The following UBE2O variants were observed in gnomAD, a reference collection of about 807,000 sequenced individuals.
UBE2O encodes ubiquitin conjugating enzyme E2 O, also known as (E3-independent) E2 ubiquitin-conjugating enzyme.
UBE2O carries 15 observed loss-of-function variants against 125.8 expected under a neutral mutation model. The observed-to-expected ratio is 0.12, with a 90% CI of 0.08 to 0.18. The LOEUF is 0.18. UBE2O is among the 10% of genes least tolerant of loss of function. The probability of loss-of-function intolerance (pLI) is 1.00; values close to 1 mark genes in which losing one functional copy is unlikely to be tolerated. For missense variants in UBE2O, 1,280 were observed against 1,723.6 expected, an observed-to-expected ratio of 0.74 and a Z score of 4.56; for synonymous variants, 708 against 703.2, an observed-to-expected ratio of 1.01 and a Z score of -0.11.
Position 76,395,867 on chromosome 17 carries a change from G to T in UBE2O, c.2810-6C>A. The T allele has an allele frequency of 1.2e-6, 2 of 1,614,084 alleles. No homozygotes were observed. The highest frequency in any genetic ancestry group is 8.5e-7 in the Non-Finnish European group (1 of 1,180,046). On this transcript the variant is annotated splice_polypyrimidine_tract_variant and splice_region_variant and intron_variant, in intron 14 of 17. Coordinates refer to ENST00000319380, the MANE Select transcript of UBE2O (RefSeq NM_022066.4). The surrounding 1 kb of genome is among the most constrained non-coding windows in gnomAD (Gnocchi z 5.0). ...TTTCTTAAAAGAATGATTTGCTAGA[G>T]GGGGGAAGAGAATAGTCAGTCCCTC...
In UBE2O at chr17:76,452,415, T is replaced by TC. The variant is rs1228142024; in HGVS notation, c.417+309dup. Reference sequence around the variant, plus strand: ...CGCCGAACGCGCCCCAGAACCTGAGTCCCCACGGGAGTCGGTCCACGTCTC... The same window carrying TC: ...CGCCGAACGCGCCCCAGAACCTGAGTCCCCCACGGGAGTCGGTCCACGTCTC... On this transcript the variant is annotated intron_variant, in intron 1 of 17. Coordinates refer to ENST00000319380, the MANE Select transcript of UBE2O (RefSeq NM_022066.4). The surrounding 1 kb of genome is among the most constrained non-coding windows in gnomAD (Gnocchi z 4.4). 1.3e-5 allele frequency among the ~76,000 whole-genome samples: 2 copies of TC among 151,482 alleles called. No individual in the cohort carries two copies. The highest frequency in any genetic ancestry group is 4.9e-5 in the African/African-American group (2 of 41,230).
At position 76,404,675 on chromosome 17, in the gene UBE2O, G is replaced by A. The variant is rs571655665; in HGVS notation, c.588+531C>T. ...GCACAGGAGGCTGTCCTCATTTTTG[G>A]AAAACACACAAGAGGTGTGTGTATT... On this transcript the variant is annotated intron_variant, in intron 3 of 17. Transcript: ENST00000319380. The surrounding 1 kb of genome is among the most constrained non-coding windows in gnomAD (Gnocchi z 4.3). Among the ~76,000 whole-genome samples the A allele has an allele frequency of 5.1e-4, 77 of 152,168 alleles. No individual in the cohort carries two copies. In the Middle Eastern group the frequency reaches 0.01, roughly 20 times the overall value.
At chr17:76,439,043 C>T (rs2073041845) in intron 1 of UBE2O, among the ~76,000 whole-genome samples, 1 of 152,142 alleles carries the variant, frequency 6.6e-6, no homozygotes, top group Non-Finnish European at 1.5e-5. Context: ...AAACAAATCC[C>T]AACTCCTGAG....
chr17:76,395,581 G>T lies in UBE2O; in HGVS notation c.2946+144C>A. The T allele has an allele frequency of 2.1e-6, 2 of 944,060 alleles. No individual in the cohort carries two copies. The highest frequency in any genetic ancestry group is 3.2e-6 in the Non-Finnish European group (2 of 632,774). 58.5% of individuals were successfully genotyped at this position (944,060 alleles called of 1,614,324 possible). ...TCAGCCCTCACCTGACTGAGCCTGT[G>T]ACCGCCCCTGTAAAAGGTGGGTGGG... On this transcript the variant is annotated intron_variant, in intron 15 of 17. Coordinates refer to ENST00000319380, the MANE Select transcript of UBE2O (RefSeq NM_022066.4). This position sits in a 1 kb window ranked among gnomAD's most constrained non-coding sequence, Gnocchi z 5.0.
At chr17:76,421,389 C>CG (rs1474763115) in intron 1 of UBE2O, among the ~76,000 whole-genome samples, 1 of 146,886 alleles carries the variant, frequency 6.8e-6, no homozygotes, top group Non-Finnish European at 1.5e-5. Flanking sequence ...TTTTTTGAGA[C>CG]GGAGTTTCGC....
Position 76,391,951 on chromosome 17 carries a change from C to T in UBE2O, c.3109G>A (p.Gly1037Arg). ...GRLNPNLYDNGKVCVSLLGTW... is the reference protein window; with the variant it reads ...GRLNPNLYDNRKVCVSLLGTW... Reference sequence around the variant, plus strand: ...CCCAGGAGGCTGACACACACCTTCCCATTGTCATACAGGTTGGGGTTCAGG... The same window carrying T: ...CCCAGGAGGCTGACACACACCTTCCTATTGTCATACAGGTTGGGGTTCAGG... The change falls in exon 16 of 18, where the codon GGG becomes AGG. Residue 1037 changes from glycine (G) to arginine (R), a missense_variant. Physicochemically the swap from Gly to Arg is moderately radical, Grantham distance 125 (BLOSUM62 -2). This residue lies in a region of UBE2O where 37 missense variants were observed against 115.6 expected (regional missense o/e 0.32). Coordinates refer to ENST00000319380, the MANE Select transcript of UBE2O (RefSeq NM_022066.4). This position sits in a 1 kb window ranked among gnomAD's most constrained non-coding sequence, Gnocchi z 8.4. 1 of 1,612,270 alleles carries T rather than the reference C, an allele frequency of 6.2e-7. No homozygotes were observed. Among genetic ancestry groups the T allele is most frequent in the Non-Finnish European group, 8.5e-7 (1 of 1,179,474 alleles).
At chr17:76,397,611 A>C (rs1183184530) in intron 13 of UBE2O, among the ~76,000 whole-genome samples, 188 bp downstream of exon 13, 1 of 152,332 alleles carries the variant, frequency 6.6e-6, no homozygotes, top group East Asian at 1.9e-4. Flanking sequence ...TGCTGGGAGA[A>C]GCGAGGCTGG....
At chr17:76,414,374 TG>T (rs1474146617) in intron 1 of UBE2O, among the ~76,000 whole-genome samples, 1 of 152,164 alleles carries the variant, frequency 6.6e-6, no homozygotes, top group African/African-American at 2.4e-5. Flanking sequence ...TACACTGAGA[TG>T]AGGGAGGTAA....
chr17:76,409,674 G>A (rs1168803499), intron 1 of UBE2O, among the ~76,000 whole-genome samples: 2 of 152,168 alleles, frequency 1.3e-5, no homozygotes, highest in Admixed American at 6.5e-5. Flanking sequence ...GATTACAGGC[G>A]TGAGCCACCG....
intron 1 of UBE2O, among the ~76,000 whole-genome samples, chr17:76,436,178 CGGA>C (rs2072994861): frequency 6.6e-6 from 1 of 151,982 alleles, no homozygotes; most frequent in Admixed American, 6.6e-5. Flanking sequence ...ACCCGGGAGG[CGGA>C]GGTTACAGTG....
chr17:76,412,392 C>G (rs77143592), intron 1 of UBE2O, among the ~76,000 whole-genome samples: 2,656 of 152,294 alleles, frequency 0.017, 77 homozygotes, highest in African/African-American at 0.06. Context: ...TCCTCCACCC[C>G]CTCCCTGACC....
At chr17:76,432,948 G>T (rs2143854421) in intron 1 of UBE2O, among the ~76,000 whole-genome samples, 1 of 152,312 alleles carries the variant, frequency 6.6e-6, no homozygotes, top group East Asian at 1.9e-4. Context: ...TGGTGAGCAT[G>T]TGGAGAAACT....
chr17:76,448,185 C>T (rs1170848115), intron 1 of UBE2O, among the ~76,000 whole-genome samples: 1 of 152,046 alleles, frequency 6.6e-6, no homozygotes, highest in South Asian at 2.1e-4. Flanking sequence ...CACTGAGGCC[C>T]GAGGGCTAGA....
At chr17:76,441,260 TG>T (rs1376433276) in intron 1 of UBE2O, among the ~76,000 whole-genome samples, 1 of 152,240 alleles carries the variant, frequency 6.6e-6, no homozygotes, top group Non-Finnish European at 1.5e-5. Context: ...CCTCTTGGAT[TG>T]GGTGTGTTAT....
chr17:76,439,055 C>T (rs2073041936), intron 1 of UBE2O, among the ~76,000 whole-genome samples: 1 of 152,206 alleles, frequency 6.6e-6, no homozygotes. Flanking sequence ...ACTCCTGAGT[C>T]AGTCATCCAA....
rs879025437 is a variant in UBE2O at position 76,402,358 on chromosome 17, T to C, written c.687-231A>G. Among the ~76,000 whole-genome samples, 3 of 152,164 alleles carry C rather than the reference T, an allele frequency of 2.0e-5. No homozygotes were observed. The highest frequency in any genetic ancestry group is 4.1e-4 in the South Asian group (2 of 4,832). The stretch of plus-strand genomic sequence containing the variant: ...GTGCCTCAAGTAAAGCATCAGCCTC[T>C]AGCAGATATCCTCAGTGAAAACGTT... On this transcript the variant is annotated intron_variant, in intron 4 of 17. Coordinates refer to ENST00000319380, the MANE Select transcript of UBE2O (RefSeq NM_022066.4). This position sits in a 1 kb window ranked among gnomAD's most constrained non-coding sequence, Gnocchi z 5.4.
rs1247542155 is a variant in UBE2O, at chr17:76,402,740, A to G, written c.589-41T>C. ...GCAGGGGCAGTGAGACACAGCAGAC[A>G]ACGTTCATGTCCAGGGCACAGATTC... On this transcript the variant is annotated intron_variant, in intron 3 of 17. Coordinates refer to ENST00000319380, the MANE Select transcript of UBE2O (RefSeq NM_022066.4). This position sits in a 1 kb window ranked among gnomAD's most constrained non-coding sequence, Gnocchi z 5.4. The G allele has an allele frequency of 6.6e-7, 1 of 1,517,626 alleles. No homozygotes were observed. Among genetic ancestry groups the G allele is most frequent in the African/African-American group, 1.4e-5 (1 of 73,028 alleles). 94.0% of individuals were successfully genotyped at this position (1,517,626 alleles called of 1,614,324 possible). A position where few individuals can be genotyped will look rare whatever the true frequency, so the allele number is the denominator to read the frequency against.
intron 13 of UBE2O, among the ~76,000 whole-genome samples, chr17:76,397,053 C>G (rs2072223689): frequency 6.6e-6 from 1 of 152,194 alleles, no homozygotes; most frequent in Admixed American, 6.5e-5. Context: ...AAGCCCCAGC[C>G]AGTGGTCTGT....
rs2072395327 is a variant in UBE2O at position 76,405,265 on chromosome 17, G to A, written c.529C>T (p.Leu177Phe). 1 of 1,613,574 alleles carries A rather than the reference G, an allele frequency of 6.2e-7. No individual in the cohort carries two copies. ...TAGATGATGCAGTTGGTGCCGATGAGCTTGACGGCACAGTCGATGTTGACG... is the reference window on the plus strand; with the variant it reads ...TAGATGATGCAGTTGGTGCCGATGAACTTGACGGCACAGTCGATGTTGACG... ...IDVNIDCAVK[L>F]IGTNCIIYPV... The change falls in exon 3 of 18, where the codon CTC (leucine) becomes TTC (phenylalanine). Residue 177 changes from leucine to phenylalanine, a missense_variant. Transcript: ENST00000319380. This position sits in a 1 kb window ranked among gnomAD's most constrained non-coding sequence, Gnocchi z 6.1.
Sources: gnomAD v4.1 joint callset for allele counts (sites outside exome capture counted in the v4.1 genomes callset) on GRCh38, gnomAD v4.1.1 for gene constraint, gnomAD v4.1.1 regional missense constraint, Gnocchi (gnomAD v3.1) non-coding constraint, MANE v1.5 for transcripts, NCBI Gene and HGNC (gene_info 2026-07-23, HGNC 2026-07-21) for gene names.